PARM1: variants seen among roughly 807,000 people sequenced by gnomAD.
PARM1 encodes the protein WSC4, cell wall integrity and stress response component 4 homolog.
Under a neutral mutation model 24.6 loss-of-function variants are expected in PARM1, and 14 were observed. That is an observed-to-expected ratio of 0.57 (90% CI 0.38 to 0.89). The LOEUF (loss-of-function observed/expected upper bound fraction) is 0.89, where lower values mean the gene tolerates loss of function less well. Among genes scored for constraint, PARM1 ranks in the 40% least tolerant of loss-of-function variants. PARM1 has a pLI of 0.00. For missense variants in PARM1, 362 were observed against 380.4 expected (o/e 0.95, Z 0.40); for synonymous variants, 179 against 156.6 (o/e 1.14, Z -1.07).
chr4:75,037,122 C>CGT lies in PARM1; in HGVS notation c.848+3171_848+3172dup, dbSNP rs560239101. Among the ~76,000 whole-genome samples the CGT allele has an allele frequency of 2.6e-5, 4 of 152,242 alleles. No homozygotes were observed. The South Asian group carries it at 8.3e-4, about 32-fold the overall frequency. ...CGTTCATCAAAAATACTTTAATTGA[C>CGT]GTGTGTGTGTGCATGTATGTTCCTA... is the stretch of plus-strand genomic sequence containing the variant. On this transcript the variant is annotated intron_variant, in intron 3 of 3. Transcript: ENST00000307428.
At chr4:75,022,081 G>A (rs1317750317) in intron 2 of PARM1, among the ~76,000 whole-genome samples, 1 of 152,178 alleles carries the variant, frequency 6.6e-6, no homozygotes, top group African/African-American at 2.4e-5. Context: ...CACCAGCAGT[G>A]TATAAGCATT....
chr4:75,030,755 G>A (rs553722459), intron 2 of PARM1, among the ~76,000 whole-genome samples: 20 of 152,208 alleles, frequency 1.3e-4, no homozygotes, highest in African/African-American at 4.3e-4. Flanking sequence ...GAAATGAAAC[G>A]CCAGCCACCT....
chr4:75,028,126 G>A (rs1049452897), intron 2 of PARM1, among the ~76,000 whole-genome samples: 2 of 152,216 alleles, frequency 1.3e-5, no homozygotes, highest in Non-Finnish European at 2.9e-5. Context: ...GAAGCTCATA[G>A]AACAGTCCCT....
chr4:74,950,451 C>T (rs1300925296), intron 1 of PARM1, among the ~76,000 whole-genome samples: 1 of 152,152 alleles, frequency 6.6e-6, no homozygotes, highest in African/African-American at 2.4e-5. Flanking sequence ...TCCAAACTTC[C>T]CTCTTACAAG....
At chr4:74,941,702 G>A (rs1277391560) in intron 1 of PARM1, among the ~76,000 whole-genome samples, 1 of 152,126 alleles carries the variant, frequency 6.6e-6, no homozygotes, top group African/African-American at 2.4e-5. Flanking sequence ...GGGTAATTAA[G>A]GTAACCTCGG....
intron 2 of PARM1, among the ~76,000 whole-genome samples, chr4:75,018,749 G>A (rs1446132123): frequency 6.6e-6 from 1 of 152,208 alleles, no homozygotes; most frequent in South Asian, 2.1e-4. Context: ...CGTTCCAGTG[G>A]TGTGAGCTCA....
intron 1 of PARM1, among the ~76,000 whole-genome samples, chr4:75,011,908 C>T (rs1274645099): frequency 2.0e-5 from 3 of 152,152 alleles, no homozygotes; most frequent in Non-Finnish European, 2.9e-5. Flanking sequence ...ATGGATAGCC[C>T]TCAAGACATG....
At position 74,951,683 on chromosome 4, in the gene PARM1, G is replaced by A. The variant is rs149886384; in HGVS notation, c.43+18313G>A. On this transcript the variant is annotated intron_variant, in intron 1 of 3. Coordinates refer to ENST00000307428, the MANE Select transcript of PARM1 (RefSeq NM_015393.4). ...CTCCCACTTACGAGTGAGAATACGC[G>A]GTGTTTGGTTTTCTGTTCCTGTGTT... Among the ~76,000 whole-genome samples the A allele has an allele frequency of 6.5e-3, 991 of 152,096 alleles. 4 individuals are homozygous for A. Among genetic ancestry groups the A allele is most frequent in the Admixed American group, 0.013 (198 of 15,280 alleles).
In PARM1 at chr4:75,012,597, C is replaced by T; in HGVS notation, c.216C>T (p.Ala72=). The change falls in exon 2 of 4, where the codon GCC becomes GCT. Residue 72 remains alanine, a synonymous_variant. Transcript: ENST00000307428. The part of the protein sequence containing the change: ...NNSVLPVTAS[A]PTSLLPKNIS... The stretch of plus-strand genomic sequence containing the variant: ...CGGTGCTCCCAGTTACAGCATCAGC[C>T]CCAACATCTCTGCTTCCTAAGAACA... 1 of 1,613,942 alleles carries T rather than the reference C, an allele frequency of 6.2e-7. No individual in the cohort carries two copies. Among genetic ancestry groups the T allele is most frequent in the Non-Finnish European group, 8.5e-7 (1 of 1,179,888 alleles).
At chr4:75,041,890 A>G (rs17250773) in intron 3 of PARM1, among the ~76,000 whole-genome samples, 16,142 of 152,138 alleles carry the variant, frequency 0.11, 1,015 homozygotes, top group African/African-American at 0.17. Flanking sequence ...GATACAGTAG[A>G]CTCACATTGA....
chr4:74,942,684 C>T (rs895235233), intron 1 of PARM1, among the ~76,000 whole-genome samples: 5 of 152,202 alleles, frequency 3.3e-5, no homozygotes, highest in African/African-American at 1.2e-4. Context: ...CGTTTTGCCA[C>T]CTCAGTTTCT....
intron 1 of PARM1, among the ~76,000 whole-genome samples, chr4:74,994,484 T>A (rs1722537896): frequency 6.6e-6 from 1 of 152,168 alleles, no homozygotes; most frequent in African/African-American, 2.4e-5. Flanking sequence ...CTGTCCTTTT[T>A]TAGGCCACAA....
intron 1 of PARM1, chr4:74,998,991 C>T (rs1722628292): frequency 6.6e-6 from 1 of 152,304 alleles, no homozygotes; most frequent in Admixed American, 6.5e-5. Context: ...GACCACACAA[C>T]ATAGAGTGTC....
Position 74,933,261 on chromosome 4 carries a change from G to C in PARM1, c.-67G>C. 1 of 1,437,932 alleles carries C rather than the reference G, an allele frequency of 7.0e-7. No individual in the cohort carries two copies. The highest frequency in any genetic ancestry group is 9.7e-7 in the Non-Finnish European group (1 of 1,025,894). 89.1% of individuals were successfully genotyped at this position (1,437,932 alleles called of 1,614,324 possible). ...GCAGAGGAGTCGCTACCAGCGCCCA[G>C]TGCGCTCTGTCAGTCCGCAAACTCC... is the stretch of plus-strand genomic sequence containing the variant. On this transcript the variant is annotated 5_prime_UTR_variant, in exon 1 of 4. Coordinates refer to ENST00000307428, the MANE Select transcript of PARM1 (RefSeq NM_015393.4).
intron 1 of PARM1, among the ~76,000 whole-genome samples, chr4:74,972,353 C>A (rs1722054837): frequency 6.6e-6 from 1 of 152,226 alleles, no homozygotes; most frequent in African/African-American, 2.4e-5. Context: ...CACTCATATT[C>A]ATTCACTTAG....
chr4:75,045,139 A>C (rs1560396868), intron 3 of PARM1, among the ~76,000 whole-genome samples: 1 of 152,232 alleles, frequency 6.6e-6, no homozygotes, highest in Admixed American at 6.5e-5. Context: ...AGCTGTGTGG[A>C]GACCTGGAGG....
chr4:75,008,734 C>T (rs908091299), intron 1 of PARM1, among the ~76,000 whole-genome samples: 1 of 152,118 alleles, frequency 6.6e-6, no homozygotes, highest in African/African-American at 2.4e-5. Context: ...AGTATGAGCT[C>T]TCTGAGGGAA....
chr4:74,974,466 A>C (rs1387399669), intron 1 of PARM1, among the ~76,000 whole-genome samples: 2 of 152,144 alleles, frequency 1.3e-5, no homozygotes, highest in African/African-American at 4.8e-5. Context: ...ATGTCAATAT[A>C]ATTCGGCTCA....
chr4:74,937,395 A>G (rs1337504720), intron 1 of PARM1, among the ~76,000 whole-genome samples: 3 of 152,164 alleles, frequency 2.0e-5, no homozygotes, highest in Non-Finnish European at 2.9e-5. Context: ...AGGTGGATGA[A>G]CACTCTCTGT....
Sources: gnomAD v4.1 joint callset for allele counts (sites outside exome capture counted in the v4.1 genomes callset) on GRCh38, gnomAD v4.1.1 for gene constraint, MANE v1.5 for transcripts, NCBI Gene and HGNC (gene_info 2026-07-23, HGNC 2026-07-21) for gene names.